SDK1: variants seen among roughly 807,000 people sequenced by gnomAD.
SDK1 encodes the protein protein sidekick-1.
SDK1 carries 157 observed loss-of-function variants against 245.5 expected under a neutral mutation model. The observed-to-expected ratio is 0.64, with a 90% confidence interval of 0.56 to 0.73. The LOEUF (loss-of-function observed/expected upper bound fraction) is 0.73, where lower values mean the gene tolerates loss of function less well. Among genes scored for constraint, SDK1 ranks in the 30% least tolerant of loss-of-function variants. The pLI, the probability that SDK1 is intolerant of heterozygous loss-of-function variation, is 0.00. For missense variants in SDK1, 3,583 were observed against 3,002.3 expected, an observed-to-expected ratio of 1.19 and a Z score of -4.52; for synonymous variants, 1,647 against 1,278.5, an observed-to-expected ratio of 1.29 and a Z score of -6.15.
intron 1 of SDK1, among the ~76,000 whole-genome samples, chr7:3,343,002 GAA>G (rs59587479): frequency 7.2e-6 from 1 of 137,990 alleles, no homozygotes; most frequent in Non-Finnish European, 1.5e-5. Flanking sequence ...CTAAATGGCT[GAA>G]AAAAAAAAAA....
rs767370460 is a variant in SDK1, at chr7:4,145,861, G to C, written c.4368G>C (p.Thr1456=). 5 of 1,613,640 alleles carry C rather than the reference G, an allele frequency of 3.1e-6. No individual in the cohort carries two copies. The Admixed American group carries it at 8.3e-5, about 27-fold the overall frequency. The change falls in exon 29 of 45, where the codon ACG becomes ACC. Residue 1456 remains threonine, a synonymous_variant. Transcript: ENST00000404826. The part of the protein sequence containing the change: ...SAYIFRLSAK[T]RQGWGEPLEA... ...ACATCTTCAGGCTGTCCGCCAAGAC[G>C]AGGCAGGGCTGGGGGGAGCCACTGG...
At chr7:3,799,452 C>A (rs1779049952) in intron 4 of SDK1, among the ~76,000 whole-genome samples, 1 of 151,840 alleles carries the variant, frequency 6.6e-6, no homozygotes. Context: ...CGTCTGTAAT[C>A]CCAGCACTTT....
intron 1 of SDK1, among the ~76,000 whole-genome samples, chr7:3,503,017 T>G (rs914840016): frequency 1.3e-5 from 2 of 152,322 alleles, no homozygotes; most frequent in East Asian, 1.9e-4. Flanking sequence ...TTATTAATAT[T>G]ATGTACTATG....
At chr7:3,749,139 C>CT (rs879318722) in intron 4 of SDK1, among the ~76,000 whole-genome samples, 56 of 149,544 alleles carry the variant, frequency 3.7e-4, no homozygotes, top group African/African-American at 1.1e-3. Flanking sequence ...AACATCACCT[C>CT]TTTTTTTTTT....
chr7:4,145,700 C>T, intron 28 of SDK1, 22 bp from the exon 29 acceptor site: 1 of 1,582,608 alleles, frequency 6.3e-7, no homozygotes, highest in Non-Finnish European at 8.6e-7. Flanking sequence ...CAGCAGCTGT[C>T]TCCCATGTCA....
chr7:3,667,593 T>C (rs954879162), intron 4 of SDK1, among the ~76,000 whole-genome samples: 4 of 152,200 alleles, frequency 2.6e-5, no homozygotes, highest in South Asian at 2.1e-4. Flanking sequence ...CCACACTCCA[T>C]TGTGATCAAC....
intron 4 of SDK1, among the ~76,000 whole-genome samples, chr7:3,799,536 C>G (rs979813672): frequency 3.2e-4 from 48 of 151,710 alleles, no homozygotes; most frequent in Admixed American, 7.9e-4. Context: ...AACCCCGTCT[C>G]TACTAAAAAA....
intron 4 of SDK1, among the ~76,000 whole-genome samples, chr7:3,647,037 G>A (rs866204637): frequency 2.0e-5 from 3 of 152,262 alleles, no homozygotes; most frequent in South Asian, 2.1e-4. Flanking sequence ...GGTGATGATC[G>A]CACAACAGTG....
chr7:4,092,637 T>G (rs1050299056), intron 22 of SDK1, among the ~76,000 whole-genome samples: 2 of 152,068 alleles, frequency 1.3e-5, no homozygotes, highest in African/African-American at 2.4e-5. Flanking sequence ...GGGCTAGAAT[T>G]TGGGGAGGAG....
chr7:3,917,105 A>G (rs1779411291), intron 5 of SDK1, among the ~76,000 whole-genome samples: 1 of 152,240 alleles, frequency 6.6e-6, no homozygotes, highest in Non-Finnish European at 1.5e-5. Context: ...TGAATCCTGA[A>G]ATAGTATAAA....
In SDK1 at chr7:4,265,152, T is replaced by C. The variant is rs1788381513; in HGVS notation, c.6410T>C (p.Leu2137Pro). 1 of 1,612,404 alleles carries C rather than the reference T, an allele frequency of 6.2e-7. No homozygotes were observed. Among genetic ancestry groups the C allele is most frequent in the Non-Finnish European group, 8.5e-7 (1 of 1,179,618 alleles). ...EATDSDYEDA[L>P]PKHSFVNHYM... ...ACGGACTCTGACTACGAGGACGCGCTGCCCAAGCACTCCTTCGTGAACCAC... is the reference window on the plus strand; with the variant it reads ...ACGGACTCTGACTACGAGGACGCGCCGCCCAAGCACTCCTTCGTGAACCAC... The change falls in exon 45 of 45, where the codon CTG becomes CCG. Residue 2137 changes from leucine to proline, a missense_variant. By Grantham distance (98) the Leu-to-Pro change is moderately conservative (BLOSUM62 -3). Coordinates refer to ENST00000404826, the MANE Select transcript of SDK1 (RefSeq NM_152744.4).
At chr7:3,346,825 ATAT>A (rs1260669230) in intron 1 of SDK1, among the ~76,000 whole-genome samples, 1 of 27,622 alleles carries the variant, frequency 3.6e-5, no homozygotes, top group African/African-American at 1.7e-4. Flanking sequence ...ATATATATAT[ATAT>A]TTTTTTTTTT....
chr7:3,812,758 A>C (rs931843672), intron 4 of SDK1, among the ~76,000 whole-genome samples: 2 of 152,078 alleles, frequency 1.3e-5, no homozygotes, highest in African/African-American at 4.8e-5. Flanking sequence ...ACAGTTCTGA[A>C]GTTTAATGGC....
chr7:3,887,704 G>A (rs1283220264), intron 5 of SDK1, among the ~76,000 whole-genome samples: 2 of 152,268 alleles, frequency 1.3e-5, no homozygotes, highest in East Asian at 3.9e-4. Flanking sequence ...TACATCATAT[G>A]AGTTTGTATC....
chr7:3,710,614 T>A (rs959471178), intron 4 of SDK1, among the ~76,000 whole-genome samples: 1 of 152,200 alleles, frequency 6.6e-6, no homozygotes, highest in Non-Finnish European at 1.5e-5. Context: ...AACGGTGAAA[T>A]CTAAGGCAAA....
intron 1 of SDK1, among the ~76,000 whole-genome samples, chr7:3,341,353 T>C (rs1247982070): frequency 6.6e-6 from 1 of 152,110 alleles, no homozygotes; most frequent in East Asian, 1.9e-4. Context: ...AAGAACTTTC[T>C]CAACTAAAGA....
chr7:3,496,112 C>T (rs1195869298), intron 1 of SDK1, among the ~76,000 whole-genome samples: 1 of 152,148 alleles, frequency 6.6e-6, no homozygotes, highest in African/African-American at 2.4e-5. Flanking sequence ...GTAGTGTGGT[C>T]TTGAATTCCT....
intron 38 of SDK1, among the ~76,000 whole-genome samples, chr7:4,219,212 G>C (rs2128231170): frequency 6.6e-6 from 1 of 152,252 alleles, no homozygotes; most frequent in African/African-American, 2.4e-5. Flanking sequence ...ACTCATTTGA[G>C]GCCTGTAGGC....
chr7:4,121,500 G>A (rs1245043296), intron 25 of SDK1, among the ~76,000 whole-genome samples: 1 of 152,142 alleles, frequency 6.6e-6, no homozygotes, highest in African/African-American at 2.4e-5. Context: ...GAAGTTCCTT[G>A]CTTCCCCTTC....
Sources: allele counts gnomAD v4.1 joint callset (sites outside exome capture counted in the v4.1 genomes callset), GRCh38; gene constraint gnomAD v4.1.1; transcripts MANE v1.5; gene names NCBI Gene and HGNC (gene_info 2026-07-23, HGNC 2026-07-21).